GCGR: variants seen among roughly 807,000 people sequenced by gnomAD.
The protein encoded by GCGR is glucagon receptor.
Under a neutral mutation model 56.1 loss-of-function variants are expected in GCGR, and 41 were observed. That is an observed-to-expected ratio of 0.73 (90% CI 0.57 to 0.95). The LOEUF is 0.95. Ranked by LOEUF, GCGR falls within the 40% of genes least tolerant of loss-of-function variation. The pLI is 0.00. For missense variants in GCGR, 595 were observed against 638.2 expected (o/e 0.93, Z 0.73); for synonymous variants, 278 against 271.1 (o/e 1.03, Z -0.25).
Position 81,811,608 on chromosome 17 carries a change from G to A in GCGR, c.658-43G>A, listed in dbSNP as rs969006663. 9 of 1,535,978 alleles carry A rather than the reference G, an allele frequency of 5.9e-6. No individual in the cohort carries two copies. The highest frequency in any genetic ancestry group is 1.7e-4 in the Middle Eastern group (1 of 5,952). On this transcript the variant is annotated intron_variant, in intron 7 of 13. Transcript: ENST00000400723. The surrounding 1 kb of genome is among the most constrained non-coding windows in gnomAD (Gnocchi z 5.8). ...AGGCAGGTGGGTGGGTGGGCAGCCAGGCAGGTGGCCACGTAGCCGCGCTCA... is the reference window on the plus strand; with the variant it reads ...AGGCAGGTGGGTGGGTGGGCAGCCAAGCAGGTGGCCACGTAGCCGCGCTCA...
In GCGR at chr17:81,812,510, C is replaced by G; in HGVS notation, c.949-67C>G. 6.9e-7 allele frequency: 1 copy of G among 1,441,982 alleles called. No homozygotes were observed. The highest frequency in any genetic ancestry group is 9.4e-7 in the Non-Finnish European group (1 of 1,068,452). The allele number at this position is 1,441,982 out of a possible 1,614,324, so 89.3% of individuals were successfully genotyped here. Reference sequence around the variant, plus strand: ...CCACCTGCAGGAGGGTCAGGTGGGGCCTTCCAAGGGCACAGAGCTGTTCCC... The same window carrying G: ...CCACCTGCAGGAGGGTCAGGTGGGGGCTTCCAAGGGCACAGAGCTGTTCCC... On this transcript the variant is annotated intron_variant, in intron 10 of 13. Transcript: ENST00000400723. This position sits in a 1 kb window ranked among gnomAD's most constrained non-coding sequence, Gnocchi z 8.5.
chr17:81,813,946 CG>C lies in GCGR; in HGVS notation c.*258del, dbSNP rs1598241609. The stretch of plus-strand genomic sequence containing the variant: ...CGTGAACTGCGTGCCAGTGTCCCCA[CG>C]TATGTCGGCACGTCCCATGTGCATG... On this transcript the variant is annotated 3_prime_UTR_variant, in exon 14 of 14. Coordinates refer to ENST00000400723, the MANE Select transcript of GCGR (RefSeq NM_000160.5). The surrounding 1 kb of genome is among the most constrained non-coding windows in gnomAD (Gnocchi z 5.3). The C allele has an allele frequency of 1.8e-6, 1 of 544,142 alleles. No individual in the cohort carries two copies. Among genetic ancestry groups the C allele is most frequent in the Non-Finnish European group, 3.3e-6 (1 of 303,604 alleles). 33.7% of individuals were successfully genotyped at this position (544,142 alleles called of 1,614,324 possible).
At position 81,811,563 on chromosome 17, in the gene GCGR, G is replaced by A. The variant is rs1046896088; in HGVS notation, c.657+3G>A. On this transcript the variant is annotated splice_donor_region_variant and intron_variant, in intron 7 of 13. Coordinates refer to ENST00000400723, the MANE Select transcript of GCGR (RefSeq NM_000160.5). The surrounding 1 kb of genome is among the most constrained non-coding windows in gnomAD (Gnocchi z 5.8). ...TCAGCACCTGGCTCAGTGATGGAGT[G>A]AGCCCCCCTCGGCGGCCCCAGGCAG... The A allele has an allele frequency of 5.9e-6, 9 of 1,536,256 alleles. No homozygotes were observed. Among genetic ancestry groups the A allele is most frequent in the Non-Finnish European group, 7.8e-6 (9 of 1,146,842 alleles).
At position 81,813,247 on chromosome 17, in the gene GCGR, G is replaced by T. The variant is rs569896546; in HGVS notation, c.1218+190G>T. 2.9e-3 allele frequency among the ~76,000 whole-genome samples: 440 copies of T among 152,304 alleles called. 1 individual carries two copies. The highest frequency in any genetic ancestry group is 5.3e-3 in the Non-Finnish European group (360 of 68,006). ...GGGTGTCAGGCCCCCAGGACAGGTTGGCCTCAGCCCCATCGCTACGGTGTC... is the reference window on the plus strand; with the variant it reads ...GGGTGTCAGGCCCCCAGGACAGGTTTGCCTCAGCCCCATCGCTACGGTGTC... On this transcript the variant is annotated intron_variant, in intron 13 of 13. Coordinates refer to ENST00000400723, the MANE Select transcript of GCGR (RefSeq NM_000160.5). This position sits in a 1 kb window ranked among gnomAD's most constrained non-coding sequence, Gnocchi z 5.3.
chr17:81,809,702 C>CCTGT lies in GCGR; in HGVS notation c.61-76_61-73dup, dbSNP rs900766434. 6.2e-6 allele frequency: 6 copies of CCTGT among 973,286 alleles called. No individual in the cohort carries two copies. In the African/African-American group the frequency reaches 6.3e-5, roughly 10 times the overall value. 60.3% of individuals were successfully genotyped at this position (973,286 alleles called of 1,614,324 possible). A position where few individuals can be genotyped will look rare whatever the true frequency, so the allele number is the denominator to read the frequency against. On this transcript the variant is annotated intron_variant, in intron 2 of 13. Transcript: ENST00000400723. ...ATCTGCCTATCCATCTACCTGCCTG[C>CCTGT]CTGTCTGCCTGTCTGTCTGCCTGTC...
At position 81,812,180 on chromosome 17, in the gene GCGR, C is replaced by G; in HGVS notation, c.879-3C>G. The G allele has an allele frequency of 6.5e-7, 1 of 1,536,182 alleles. No homozygotes were observed. The highest frequency in any genetic ancestry group is 8.7e-7 in the Non-Finnish European group (1 of 1,146,770). On this transcript the variant is annotated splice_region_variant and splice_polypyrimidine_tract_variant and intron_variant, in intron 9 of 13. Transcript: ENST00000400723. The surrounding 1 kb of genome is among the most constrained non-coding windows in gnomAD (Gnocchi z 8.5). ...CCAGTATGTGAGTGGCCTGGCCTCGCAGGTGCTGGACCAGCAATGACAACA... is the reference window on the plus strand; with the variant it reads ...CCAGTATGTGAGTGGCCTGGCCTCGGAGGTGCTGGACCAGCAATGACAACA...
intron 1 of GCGR, among the ~76,000 whole-genome samples, chr17:81,807,978 G>A (rs1364101001): frequency 2.0e-5 from 3 of 152,254 alleles, no homozygotes; most frequent in South Asian, 2.1e-4. Flanking sequence ...CCAAGTCGAC[G>A]CCCGCAGTGC....
chr17:81,809,924 C>G, intron 3 of GCGR, 40 bp downstream of exon 3: 1 of 1,410,196 alleles, frequency 7.1e-7, no homozygotes, highest in Non-Finnish European at 9.7e-7. Context: ...TGTGCCTGGC[C>G]TCAGCACTTC....
Position 81,812,597 on chromosome 17 carries a change from C to A in GCGR, c.969C>A (p.Val323=). 1 of 1,536,604 alleles carries A rather than the reference C, an allele frequency of 6.5e-7. No individual in the cohort carries two copies. Among genetic ancestry groups the A allele is most frequent in the Non-Finnish European group, 8.7e-7 (1 of 1,146,786 alleles). ...CACAGATCAACTTCTTCATCTTCGT[C>A]CGCATCGTTCAGCTGCTCGTGGCCA... ...LAILINFFIF[V]RIVQLLVAKL... Residue 323 remains valine (V), a synonymous_variant, in exon 11 of 14, where the codon GTC becomes GTA. Transcript: ENST00000400723. The surrounding 1 kb of genome is among the most constrained non-coding windows in gnomAD (Gnocchi z 8.5).
Position 81,812,323 on chromosome 17 carries a change from G to C in GCGR, c.948+71G>C. The C allele has an allele frequency of 4.0e-6, 6 of 1,486,470 alleles. No homozygotes were observed. Among genetic ancestry groups the C allele is most frequent in the Non-Finnish European group, 5.4e-6 (6 of 1,103,812 alleles). The allele number at this position is 1,486,470 out of a possible 1,614,324, so 92.1% of individuals were successfully genotyped here. ...TTGGCGTCCTGAGGCTGCCCCAGGA[G>C]ACAGCAGCATCCTGTCTGAGAGCGC... is the stretch of plus-strand genomic sequence containing the variant. On this transcript the variant is annotated intron_variant, in intron 10 of 13. Transcript: ENST00000400723. The surrounding 1 kb of genome is among the most constrained non-coding windows in gnomAD (Gnocchi z 8.5).
Position 81,812,840 on chromosome 17 carries a change from G to C in GCGR, c.1071G>C (p.Leu357=). ...AGTCCACGCTGACCCTCATCCCTCTGCTGGGCGTCCACGAAGTGGTCTTCG... is the reference window on the plus strand; with the variant it reads ...AGTCCACGCTGACCCTCATCCCTCTCCTGGGCGTCCACGAAGTGGTCTTCG... ...LAKSTLTLIP[L]LGVHEVVFAF... is the part of the protein sequence containing the mutation. The change falls in exon 12 of 14, where the codon CTG becomes CTC. Residue 357 remains leucine (L), a synonymous_variant. Transcript: ENST00000400723. The surrounding 1 kb of genome is among the most constrained non-coding windows in gnomAD (Gnocchi z 8.5). 1 of 1,535,890 alleles carries C rather than the reference G, an allele frequency of 6.5e-7. No homozygotes were observed. The highest frequency in any genetic ancestry group is 8.7e-7 in the Non-Finnish European group (1 of 1,146,762).
intron 2 of GCGR, 119 bp from the exon 3 acceptor site, chr17:81,809,663 C>A: frequency 1.3e-6 from 1 of 745,196 alleles, no homozygotes. Flanking sequence ...GCCTGTCTGT[C>A]TGCCTGTCTG....
chr17:81,809,999 C>T (rs1179722098), intron 3 of GCGR, 115 bp downstream of exon 3: 6 of 790,252 alleles, frequency 7.6e-6, no homozygotes, highest in Non-Finnish European at 4.3e-6. Context: ...CGCCAAGGGG[C>T]CCTGTCATTC....
Position 81,811,372 on chromosome 17 carries a change from G to A in GCGR, c.501-32G>A. On this transcript the variant is annotated intron_variant, in intron 6 of 13. Transcript: ENST00000400723. This position sits in a 1 kb window ranked among gnomAD's most constrained non-coding sequence, Gnocchi z 5.8. Reference sequence around the variant, plus strand: ...CCGGGGCGGCCGCAGAGGACAGGGAGGAGGACGGGCGCTGACTGGCTGTGC... The same window carrying A: ...CCGGGGCGGCCGCAGAGGACAGGGAAGAGGACGGGCGCTGACTGGCTGTGC... 1.3e-6 allele frequency: 2 copies of A among 1,535,638 alleles called. No homozygotes were observed. Among genetic ancestry groups the A allele is most frequent in the Non-Finnish European group, 1.7e-6 (2 of 1,146,322 alleles).
Position 81,813,748 on chromosome 17 carries a change from A to G in GCGR, c.*59A>G. The G allele has an allele frequency of 6.8e-7, 1 of 1,472,008 alleles. No homozygotes were observed. The highest frequency in any genetic ancestry group is 9.1e-7 in the Non-Finnish European group (1 of 1,099,976). The allele number at this position is 1,472,008 out of a possible 1,614,324, so 91.2% of individuals were successfully genotyped here. ...GGCACCCAGAGGGCGTCGCTGGACA[A>G]CCCAGAACTGGACGCCCAGCTGAGG... On this transcript the variant is annotated 3_prime_UTR_variant, in exon 14 of 14. Transcript: ENST00000400723. The surrounding 1 kb of genome is among the most constrained non-coding windows in gnomAD (Gnocchi z 5.3).
chr17:81,811,412 A>C lies in GCGR; in HGVS notation c.509A>C (p.His170Pro). The C allele has an allele frequency of 6.5e-7, 1 of 1,536,402 alleles. No individual in the cohort carries two copies. The part of the protein sequence containing the change: ...LAILGGLSKL[H>P]CTRNAIHANL... The stretch of plus-strand genomic sequence containing the variant: ...ACTGGCTGTGCCCACAGCAAGCTGC[A>C]CTGCACCCGCAATGCCATCCACGCG... Residue 170 changes from histidine to proline, a missense_variant, in exon 7 of 14, where the codon CAC (histidine) becomes CCC (proline). Transcript: ENST00000400723. This position sits in a 1 kb window ranked among gnomAD's most constrained non-coding sequence, Gnocchi z 5.8.
chr17:81,811,413 C>T lies in GCGR; in HGVS notation c.510C>T (p.His170=), dbSNP rs759880051. The change falls in exon 7 of 14, where the codon CAC becomes CAT. Residue 170 remains histidine, a synonymous_variant. Coordinates refer to ENST00000400723, the MANE Select transcript of GCGR (RefSeq NM_000160.5). This position sits in a 1 kb window ranked among gnomAD's most constrained non-coding sequence, Gnocchi z 5.8. ...LAILGGLSKL[H]CTRNAIHANL... ...CTGGCTGTGCCCACAGCAAGCTGCA[C>T]TGCACCCGCAATGCCATCCACGCGA... The T allele has an allele frequency of 3.9e-6, 6 of 1,536,436 alleles. No homozygotes were observed. The South Asian group carries it at 5.9e-5, about 15-fold the overall frequency.
chr17:81,812,414 G>T lies in GCGR; in HGVS notation c.948+162G>T, dbSNP rs2143141206. 1 of 1,048,120 alleles carries T rather than the reference G, an allele frequency of 9.5e-7. No individual in the cohort carries two copies. The highest frequency in any genetic ancestry group is 1.4e-6 in the Non-Finnish European group (1 of 725,488). The allele number at this position is 1,048,120 out of a possible 1,614,324, so 64.9% of individuals were successfully genotyped here. On this transcript the variant is annotated intron_variant, in intron 10 of 13. Coordinates refer to ENST00000400723, the MANE Select transcript of GCGR (RefSeq NM_000160.5). The surrounding 1 kb of genome is among the most constrained non-coding windows in gnomAD (Gnocchi z 8.5). Reference sequence around the variant, plus strand: ...GCCAGCACCCTGGACACTGAGCCAGGCTGTTCCTCCCTGGCTGTGTGCCCA... The same window carrying T: ...GCCAGCACCCTGGACACTGAGCCAGTCTGTTCCTCCCTGGCTGTGTGCCCA...
In GCGR at chr17:81,806,193, G is replaced by A. The variant is rs1246339849; in HGVS notation, c.-178+1944G>A. ...CCCACCCCTGTTGGGGTGAGGAGCT[G>A]GAGTCTCCCTACCCATATGGGACCC... On this transcript the variant is annotated intron_variant, in intron 1 of 13. Coordinates refer to ENST00000400723, the MANE Select transcript of GCGR (RefSeq NM_000160.5). The surrounding 1 kb of genome is among the most constrained non-coding windows in gnomAD (Gnocchi z 6.5). Among the ~76,000 whole-genome samples the A allele has an allele frequency of 1.3e-5, 2 of 152,084 alleles. No homozygotes were observed. Among genetic ancestry groups the A allele is most frequent in the African/African-American group, 4.8e-5 (2 of 41,402 alleles).
Sources: allele counts gnomAD v4.1 joint callset (sites outside exome capture counted in the v4.1 genomes callset), GRCh38; gene constraint gnomAD v4.1.1; non-coding constraint Gnocchi (gnomAD v3.1); transcripts MANE v1.5; gene names NCBI Gene and HGNC (gene_info 2026-07-23, HGNC 2026-07-21).